Variants in ANO3 observed in about 807,000 individuals in gnomAD.
ANO3 encodes anoctamin 3.
Under a neutral mutation model 144.8 loss-of-function variants are expected in ANO3, and 99 were observed. The ratio of observed to expected loss-of-function variants is 0.68; its 90% CI spans 0.58 to 0.81. ANO3 has a LOEUF of 0.81. ANO3 is among the 30% of genes least tolerant of loss of function. The pLI is 0.00. For missense variants in ANO3, 905 were observed against 1,202.2 expected (o/e 0.75, Z 3.66); for synonymous variants, 414 against 392.6 (o/e 1.05, Z -0.64).
upstream of ANO3, among the ~76,000 whole-genome samples, chr11:26,328,840 A>G (rs906694475): frequency 3.3e-5 from 5 of 152,206 alleles, no homozygotes; most frequent in Non-Finnish European, 7.3e-5. Context: ...TATCATTGAT[A>G]AAGTATGAAA....
Position 26,660,467 on chromosome 11 carries a change from G to T in ANO3, c.*23G>T. The T allele has an allele frequency of 6.3e-7, 1 of 1,577,500 alleles. No homozygotes were observed. The highest frequency in any genetic ancestry group is 8.6e-7 in the Non-Finnish European group (1 of 1,164,958). On this transcript the variant is annotated 3_prime_UTR_variant, in exon 27 of 27. Transcript: ENST00000256737. ...TAGTTGACACCTGTTACCCATTAGG[G>T]GTGATAACATTAATGGGAAGAAATG...
intron 1 of ANO3, among the ~76,000 whole-genome samples, chr11:26,213,562 A>G (rs1371319437): frequency 3.3e-5 from 5 of 152,148 alleles, no homozygotes; most frequent in Admixed American, 3.3e-4. Context: ...TAGAAATACA[A>G]CTTACAAGGG....
chr11:26,205,731 G>T (rs1426796320), intron 1 of ANO3, among the ~76,000 whole-genome samples: 3 of 152,118 alleles, frequency 2.0e-5, no homozygotes, highest in Non-Finnish European at 4.4e-5. Flanking sequence ...ATACTGTATA[G>T]TCATATTTCC....
chr11:26,448,639 A>G (rs1858798831), intron 3 of ANO3, among the ~76,000 whole-genome samples: 1 of 152,246 alleles, frequency 6.6e-6, no homozygotes, highest in Admixed American at 6.5e-5. Context: ...AGCATTTTAT[A>G]TGAAGATGGC....
At chr11:26,462,559 T>A (rs1859444735) in intron 3 of ANO3, among the ~76,000 whole-genome samples, 1 of 151,842 alleles carries the variant, frequency 6.6e-6, no homozygotes, top group Non-Finnish European at 1.5e-5. Context: ...TAATGTTTAT[T>A]AAGATATTTT....
At chr11:26,275,022 A>G (rs183223434) in intron 1 of ANO3, among the ~76,000 whole-genome samples, 2,752 of 152,078 alleles carry the variant, frequency 0.018, 44 homozygotes, top group Non-Finnish European at 0.027. Context: ...TTACCTCAAA[A>G]TGCTATAATT....
intron 14 of ANO3, chr11:26,565,083 G>A (rs1355672852): frequency 2.3e-6 from 3 of 1,330,266 alleles, no homozygotes; most frequent in East Asian, 4.9e-5. Context: ...TTCCAGCATG[G>A]TGATTCCTTA....
intron 1 of ANO3, among the ~76,000 whole-genome samples, chr11:26,274,480 A>G (rs1158001580): frequency 6.6e-6 from 1 of 151,930 alleles, no homozygotes; most frequent in Non-Finnish European, 1.5e-5. Context: ...AATGTGAATG[A>G]AAAAAAACCT....
At chr11:26,235,124 A>C (rs1852490845) in intron 1 of ANO3, among the ~76,000 whole-genome samples, 1 of 152,138 alleles carries the variant, frequency 6.6e-6, no homozygotes, top group South Asian at 2.1e-4. Context: ...GTGGAGGTCC[A>C]TATACTTTAC....
chr11:26,404,470 T>C (rs1331797845), intron 1 of ANO3, among the ~76,000 whole-genome samples: 1 of 151,818 alleles, frequency 6.6e-6, no homozygotes, highest in Admixed American at 6.6e-5. Flanking sequence ...TCTTTATATT[T>C]GATTCCATTT....
At chr11:26,196,748 A>G (rs1008210451) in intron 1 of ANO3, among the ~76,000 whole-genome samples, 3 of 152,222 alleles carry the variant, frequency 2.0e-5, no homozygotes, top group Non-Finnish European at 4.4e-5. Context: ...TTCATAAAAT[A>G]CATACACAGT....
At chr11:26,315,412 T>C (rs1854599204) in intron 1 of ANO3, among the ~76,000 whole-genome samples, 1 of 152,166 alleles carries the variant, frequency 6.6e-6, no homozygotes, top group African/African-American at 2.4e-5. Context: ...GAATATCTAA[T>C]GCTTTCAGGG....
intron 17 of ANO3, among the ~76,000 whole-genome samples, chr11:26,605,311 C>T (rs575542464): frequency 8.5e-5 from 13 of 152,192 alleles, no homozygotes; most frequent in Admixed American, 2.6e-4. Context: ...CTGCTGGATT[C>T]GGTTTGCCAA....
intron 1 of ANO3, among the ~76,000 whole-genome samples, chr11:26,414,772 A>AG (rs1487844406): frequency 8.6e-5 from 13 of 151,854 alleles, no homozygotes; most frequent in African/African-American, 3.1e-4. Flanking sequence ...AAAAAAAAAA[A>AG]AAAGAAAGAA....
chr11:26,211,835 G>A (rs943125909), intron 1 of ANO3, among the ~76,000 whole-genome samples: 2 of 152,112 alleles, frequency 1.3e-5, no homozygotes, highest in South Asian at 2.1e-4. Context: ...TTATAGACTG[G>A]ATAAAGAAAA....
intron 1 of ANO3, among the ~76,000 whole-genome samples, chr11:26,416,732 G>C (rs1857600221): frequency 1.3e-5 from 2 of 151,904 alleles, no homozygotes; most frequent in Admixed American, 1.3e-4. Context: ...AAAATTTTCA[G>C]TGAAATTATT....
At chr11:26,505,019 AAAAAAAAAAAAAAAAAAAAAG>A (rs1861367927) in intron 4 of ANO3, among the ~76,000 whole-genome samples, 1 of 140,792 alleles carries the variant, frequency 7.1e-6, no homozygotes, top group African/African-American at 2.7e-5. Flanking sequence ...CTCAAAAAAA[AAAAAAAAAAAAAAAAAAAAAG>A]AAGAGAAAAG....
At chr11:26,547,331 GA>G in intron 11 of ANO3, 84 bp from the exon 12 acceptor site, 1 of 1,395,974 alleles carries the variant, frequency 7.2e-7, no homozygotes, top group Middle Eastern at 1.8e-4. Context: ...GTTACCATCT[GA>G]AATTCTGACT....
At chr11:26,550,574 A>G (rs1203116950) in intron 12 of ANO3, among the ~76,000 whole-genome samples, 1 of 152,020 alleles carries the variant, frequency 6.6e-6, no homozygotes, top group Admixed American at 6.6e-5. Flanking sequence ...CTCTAGGTTT[A>G]TCCATGTTAT....
Sources: gnomAD v4.1 joint callset for allele counts (sites outside exome capture counted in the v4.1 genomes callset) on GRCh38, gnomAD v4.1.1 for gene constraint, MANE v1.5 for transcripts, NCBI Gene and HGNC (gene_info 2026-07-23, HGNC 2026-07-21) for gene names.